HERPUD1: variants seen among roughly 807,000 people sequenced by gnomAD.
HERPUD1 encodes the protein homocysteine inducible ER protein with ubiquitin like domain 1.
A neutral mutation model predicts 45.0 loss-of-function variants in HERPUD1; 17 were observed. The observed-to-expected ratio is 0.38, with a 90% CI of 0.26 to 0.57. HERPUD1 has a LOEUF of 0.57. Ranked by LOEUF, HERPUD1 falls within the 20% of genes least tolerant of loss-of-function variation. The probability of loss-of-function intolerance (pLI) is 0.72; values close to 1 mark genes in which losing one functional copy is unlikely to be tolerated. For missense variants in HERPUD1, 420 were observed against 490.5 expected, an observed-to-expected ratio of 0.86 and a Z score of 1.36; for synonymous variants, 164 against 177.5, an observed-to-expected ratio of 0.92 and a Z score of 0.61.
Position 56,935,443 on chromosome 16 carries a change from A to G in HERPUD1, c.268A>G (p.Ser90Gly). 6.2e-7 allele frequency: 1 copy of G among 1,614,192 alleles called. No individual in the cohort carries two copies. The highest frequency in any genetic ancestry group is 2.2e-5 in the East Asian group (1 of 44,882). Residue 90 changes from serine (S) to glycine (G), a missense_variant, in exon 3 of 8, where the codon AGT becomes GGT. Physicochemically the swap from Ser to Gly is moderately conservative, Grantham distance 56. Coordinates refer to ENST00000439977, the MANE Select transcript of HERPUD1 (RefSeq NM_014685.4). The part of the protein sequence containing the change: ...HVLHLVCNVK[S>G]PSKMPEINAK... ...TTTGCATCTGGTGTGCAATGTGAAG[A>G]GTCCTTCAAAAATGCCAGAAATCAA...
At position 56,940,111 on chromosome 16, in the gene HERPUD1, T is replaced by A; in HGVS notation, c.771T>A (p.Asp257Glu). ...NAQGGPIVEEDDEINRDWLDW... is the reference protein window; with the variant it reads ...NAQGGPIVEEEDEINRDWLDW... ...AAGGTGGCCCTATTGTGGAAGAAGA[T>A]GATGAAATAAATCGAGATTGGTTGG... Residue 257 changes from aspartate to glutamate, a missense_variant, in exon 6 of 8, where the codon GAT (aspartate) becomes GAA (glutamate). Transcript: ENST00000439977. The A allele has an allele frequency of 6.2e-7, 1 of 1,614,226 alleles. No individual in the cohort carries two copies. Among genetic ancestry groups the A allele is most frequent in the Non-Finnish European group, 8.5e-7 (1 of 1,180,036 alleles).
chr16:56,935,628 A>G (rs780454310), intron 3 of HERPUD1, 153 bp downstream of exon 3: 14 of 660,594 alleles, frequency 2.1e-5, no homozygotes, highest in African/African-American at 7.2e-5. Context: ...AAACTGTATT[A>G]TCAACACAAA....
rs1052397487 is a variant in HERPUD1 at position 56,932,456 on chromosome 16, G to A, written c.147+65G>A. On this transcript the variant is annotated intron_variant, in intron 1 of 7. Transcript: ENST00000439977. ...CCCCGCCCTCTGCTGGGGATGCCAC[G>A]TCCGGCTGCCCTGTCCTGTGGCCTC... The A allele has an allele frequency of 5.8e-6, 8 of 1,388,768 alleles. No individual in the cohort carries two copies. In the Admixed American group the frequency reaches 1.9e-4, roughly 32 times the overall value. 86.0% of individuals were successfully genotyped at this position (1,388,768 alleles called of 1,614,324 possible). A position where few individuals can be genotyped will look rare whatever the true frequency, so the allele number is the denominator to read the frequency against.
intron 6 of HERPUD1, 48 bp downstream of exon 6, chr16:56,940,293 A>C (rs1478545603): frequency 1.5e-6 from 2 of 1,353,470 alleles, no homozygotes; most frequent in Admixed American, 2.0e-5. Context: ...CTGTGTTCAC[A>C]CTAAGCAGAT....
chr16:56,938,743 G>A (rs1016545120), intron 4 of HERPUD1, among the ~76,000 whole-genome samples: 23 of 152,192 alleles, frequency 1.5e-4, no homozygotes, highest in African/African-American at 5.3e-4. Flanking sequence ...CAGGACCCCC[G>A]GTGGTCAGTA....
rs1288793353 is a variant in HERPUD1, at chr16:56,944,814, A to G, written c.*1524A>G. 1.3e-5 allele frequency: 2 copies of G among 152,170 alleles called. No individual in the cohort carries two copies. Among genetic ancestry groups the G allele is most frequent in the African/African-American group, 2.4e-5 (1 of 41,432 alleles). 9.4% of individuals were successfully genotyped at this position (152,170 alleles called of 1,614,324 possible). ...AGTTTTATATATTTTTACGTGAGTA[A>G]TGTTATGTGTAGGTGTTCTATTTGG... On this transcript the variant is annotated 3_prime_UTR_variant, in exon 8 of 8. Transcript: ENST00000439977.
intron 3 of HERPUD1, chr16:56,935,749 A>G: frequency 4.6e-6 from 2 of 432,756 alleles, no homozygotes. Flanking sequence ...CTGTGTATCT[A>G]GATTACTGAA....
intron 7 of HERPUD1, 21 bp from the exon 8 acceptor site, chr16:56,943,105 T>G (rs188813888): frequency 3.1e-6 from 5 of 1,610,350 alleles, no homozygotes; most frequent in Admixed American, 3.3e-5. Flanking sequence ...TTTCATTACC[T>G]CATTGTTTCA....
At position 56,940,187 on chromosome 16, in the gene HERPUD1, T is replaced by C. The variant is rs371849429; in HGVS notation, c.847T>C (p.Phe283Leu). 1 of 1,614,238 alleles carries C rather than the reference T, an allele frequency of 6.2e-7. No individual in the cohort carries two copies. The highest frequency in any genetic ancestry group is 1.3e-5 in the African/African-American group (1 of 75,066). The change falls in exon 6 of 8, where the codon TTC becomes CTC. Residue 283 changes from phenylalanine to leucine, a missense_variant. Coordinates refer to ENST00000439977, the MANE Select transcript of HERPUD1 (RefSeq NM_014685.4). ...TFSVFLSILY[F>L]YSSLSRFLMV... ...TTCTGTTTTTCTCAGTATCCTCTACTTCTACTCCTCCCTGAGCAGATTCCT... is the reference window on the plus strand; with the variant it reads ...TTCTGTTTTTCTCAGTATCCTCTACCTCTACTCCTCCCTGAGCAGATTCCT...
chr16:56,934,195 A>T (rs37023), intron 1 of HERPUD1, among the ~76,000 whole-genome samples: 45,577 of 152,142 alleles, frequency 0.3, 7,049 homozygotes, highest in Middle Eastern at 0.41. Context: ...GACAGATTAT[A>T]TGTTAATATT....
intron 2 of HERPUD1, 44 bp from the exon 3 acceptor site, chr16:56,935,357 C>T (rs368212946): frequency 6.2e-7 from 1 of 1,609,246 alleles, no homozygotes; most frequent in Admixed American, 1.7e-5. Flanking sequence ...TAAGCACTCA[C>T]CAGGTTAGGT....
At chr16:56,943,055 T>G in intron 7 of HERPUD1, 71 bp from the exon 8 acceptor site, 4 of 1,477,258 alleles carry the variant, frequency 2.7e-6, no homozygotes, top group Non-Finnish European at 3.8e-6. Flanking sequence ...TTTCCTAACA[T>G]TATTTGGTGT....
chr16:56,939,031 T>C (rs2055888043), intron 4 of HERPUD1: 1 of 592,042 alleles, frequency 1.7e-6, no homozygotes, highest in Non-Finnish European at 3.0e-6. Context: ...TCCTGTGGGA[T>C]GGGACTGTGG....
In HERPUD1 at chr16:56,936,754, A is replaced by G. The variant is rs372444106; in HGVS notation, c.368A>G (p.Asp123Gly). Residue 123 changes from aspartate (D) to glycine (G), a missense_variant, in exon 4 of 8, where the codon GAT becomes GGT. Asp to Gly is a moderately conservative substitution (Grantham distance 94). Coordinates refer to ENST00000439977, the MANE Select transcript of HERPUD1 (RefSeq NM_014685.4). Reference protein sequence around the residue: ...RGQYPEDSSSDGLRQREVLRN... With the variant: ...RGQYPEDSSSGGLRQREVLRN... ...CAGTATCCTGAGGATTCCTCAAGTG[A>G]TGGTTTAAGGCAAAGGGAAGTTCTT... The G allele has an allele frequency of 6.2e-6, 10 of 1,613,960 alleles. No individual in the cohort carries two copies. The African/African-American group carries it at 9.3e-5, about 15-fold the overall frequency.
At chr16:56,933,243 T>C (rs1344306752) in intron 1 of HERPUD1, 14 of 455,904 alleles carry the variant, frequency 3.1e-5, no homozygotes, top group Admixed American at 1.2e-4. Flanking sequence ...GAAAAGATAG[T>C]GAAGTCGTGA....
chr16:56,935,557 T>G (rs2055860586), intron 3 of HERPUD1, 82 bp downstream of exon 3: 2 of 1,143,544 alleles, frequency 1.7e-6, no homozygotes, highest in Admixed American at 3.4e-5. Flanking sequence ...GATAAAACGT[T>G]TATTGAGAGA....
intron 4 of HERPUD1, 149 bp from the exon 5 acceptor site, chr16:56,939,088 G>T: frequency 2.7e-6 from 2 of 752,222 alleles, no homozygotes; most frequent in Non-Finnish European, 4.3e-6. Flanking sequence ...TGGTACATGG[G>T]TGCGTCATAC....
chr16:56,941,695 A>G (rs1469297698), intron 6 of HERPUD1: 1 of 152,502 alleles, frequency 6.6e-6, no homozygotes, highest in Non-Finnish European at 1.5e-5. Context: ...CTTGGGATTT[A>G]ATTGGTTTCT....
At chr16:56,933,504 A>G (rs1461072534) in intron 1 of HERPUD1, among the ~76,000 whole-genome samples, 1 of 152,196 alleles carries the variant, frequency 6.6e-6, no homozygotes, top group Non-Finnish European at 1.5e-5. Context: ...GGTGTAGCCT[A>G]TGGTTGCATC....
Sources: allele counts gnomAD v4.1 joint callset (sites outside exome capture counted in the v4.1 genomes callset), GRCh38; gene constraint gnomAD v4.1.1; transcripts MANE v1.5; gene names NCBI Gene and HGNC (gene_info 2026-07-23, HGNC 2026-07-21).